The following CTNNA2 variants were observed in gnomAD, a reference collection of about 807,000 sequenced individuals.
The protein encoded by CTNNA2 is catenin alpha-2.
A neutral mutation model predicts 101.0 loss-of-function variants in CTNNA2; 42 were observed. The observed-to-expected ratio is 0.42, with a 90% CI of 0.32 to 0.54. The LOEUF (loss-of-function observed/expected upper bound fraction) is 0.54, where lower values mean the gene tolerates loss of function less well. Ranked by LOEUF, CTNNA2 falls within the 20% of genes least tolerant of loss-of-function variation. CTNNA2 has a pLI of 0.14. For missense variants in CTNNA2, 871 were observed against 1,223.1 expected, an observed-to-expected ratio of 0.71 and a Z score of 4.29; for synonymous variants, 450 against 456.4, an observed-to-expected ratio of 0.99 and a Z score of 0.18.
At chr2:79,888,957 G>T (rs1482884707) in intron 6 of CTNNA2, among the ~76,000 whole-genome samples, 2 of 152,050 alleles carry the variant, frequency 1.3e-5, no homozygotes, top group Non-Finnish European at 2.9e-5. Flanking sequence ...CTCTTTATTA[G>T]AGCAACATGT....
intron 2 of CTNNA2, among the ~76,000 whole-genome samples, chr2:79,219,072 T>C (rs1052433578): frequency 2.6e-5 from 4 of 152,212 alleles, no homozygotes; most frequent in Admixed American, 2.0e-4. Context: ...CATATTTGTA[T>C]TTATACATAT....
At chr2:79,762,748 C>T (rs1483944277) in intron 3 of CTNNA2, among the ~76,000 whole-genome samples, 1 of 152,080 alleles carries the variant, frequency 6.6e-6, no homozygotes, top group African/African-American at 2.4e-5. Flanking sequence ...CTTTCATGTT[C>T]ATCTTTCAAG....
chr2:80,467,416 A>T (rs1388487738), intron 9 of CTNNA2, among the ~76,000 whole-genome samples: 1 of 152,208 alleles, frequency 6.6e-6, no homozygotes, highest in Admixed American at 6.5e-5. Flanking sequence ...CTAGGGGAAG[A>T]TACGTGGTTA....
At chr2:79,459,777 G>A (rs1264571445) in intron 4 of CTNNA2, among the ~76,000 whole-genome samples, 2 of 152,002 alleles carry the variant, frequency 1.3e-5, no homozygotes, top group East Asian at 1.9e-4. Flanking sequence ...GTCACTTCTG[G>A]CCCTTGATTT....
chr2:80,529,108 G>A (rs1398634793), intron 9 of CTNNA2, among the ~76,000 whole-genome samples: 1 of 152,150 alleles, frequency 6.6e-6, no homozygotes, highest in Non-Finnish European at 1.5e-5. Flanking sequence ...GTCCTGGTGG[G>A]CAGGCAGACA....
intron 7 of CTNNA2, among the ~76,000 whole-genome samples, chr2:80,145,224 T>C (rs1703260378): frequency 2.0e-5 from 3 of 152,196 alleles, no homozygotes; most frequent in African/African-American, 4.8e-5. Flanking sequence ...AGGGTATTTA[T>C]AGACCCACAA....
At chr2:80,096,371 GT>G (rs1376586631) in intron 7 of CTNNA2, among the ~76,000 whole-genome samples, 1 of 152,138 alleles carries the variant, frequency 6.6e-6, no homozygotes, top group African/African-American at 2.4e-5. Context: ...CTGAGAGAGA[GT>G]TTTTTATAAT....
chr2:79,353,190 G>C (rs1055502926), intron 3 of CTNNA2, among the ~76,000 whole-genome samples: 2 of 152,184 alleles, frequency 1.3e-5, no homozygotes, highest in Admixed American at 1.3e-4. Context: ...TTGGTATGTT[G>C]TGTCTGATTT....
chr2:80,637,165 C>T (rs1051129205), intron 18 of CTNNA2, among the ~76,000 whole-genome samples: 1 of 152,144 alleles, frequency 6.6e-6, no homozygotes, highest in Non-Finnish European at 1.5e-5. Context: ...CATGTTTGGA[C>T]TCACCTGGTG....
chr2:80,179,824 G>A lies in CTNNA2; in HGVS notation c.1057-213387G>A, dbSNP rs116228647. Among the ~76,000 whole-genome samples the A allele has an allele frequency of 5.0e-3, 764 of 152,158 alleles. 7 individuals are homozygous for A. Among genetic ancestry groups the A allele is most frequent in the African/African-American group, 0.014 (575 of 41,500 alleles). On this transcript the variant is annotated intron_variant, in intron 7 of 18. Transcript: ENST00000402739. ...TTTGGCCTTTCCCTCCATACTAGCCGTCATCTTACCAGTCAGGTAGCCAAT... is the reference window on the plus strand; with the variant it reads ...TTTGGCCTTTCCCTCCATACTAGCCATCATCTTACCAGTCAGGTAGCCAAT...
chr2:79,931,238 A>T (rs1278349967), intron 7 of CTNNA2, among the ~76,000 whole-genome samples: 1 of 152,220 alleles, frequency 6.6e-6, no homozygotes, highest in Non-Finnish European at 1.5e-5. Flanking sequence ...TTGTAGTTTT[A>T]TATCATTTAA....
chr2:80,011,133 A>T (rs115450026), intron 7 of CTNNA2, among the ~76,000 whole-genome samples: 182 of 152,322 alleles, frequency 1.2e-3, no homozygotes, highest in African/African-American at 4.3e-3. Flanking sequence ...AAGAGCAAAT[A>T]GTCCATGCTT....
At chr2:79,909,849 C>T (rs1470110783) in intron 7 of CTNNA2, 52 bp downstream of exon 7, 1 of 1,508,394 alleles carries the variant, frequency 6.6e-7, no homozygotes, top group Middle Eastern at 1.8e-4. Context: ...GTTCTGCAAT[C>T]GTGTTGCTCT....
upstream of CTNNA2, chr2:79,512,906 G>A (rs1043686861): frequency 1.3e-5 from 2 of 148,400 alleles, no homozygotes; most frequent in African/African-American, 4.9e-5. Flanking sequence ...GCGAGCAAGC[G>A]GCCGCGCATG....
At chr2:79,834,045 C>T (rs532204086) in intron 3 of CTNNA2, among the ~76,000 whole-genome samples, 2 of 152,206 alleles carry the variant, frequency 1.3e-5, no homozygotes, top group East Asian at 3.9e-4. Flanking sequence ...GCTTGAAACA[C>T]ACAATTGCAC....
At chr2:79,819,487 A>G (rs117415165) in intron 3 of CTNNA2, among the ~76,000 whole-genome samples, 1 of 152,350 alleles carries the variant, frequency 6.6e-6, no homozygotes, top group East Asian at 1.9e-4. Flanking sequence ...GCACTTGCAG[A>G]ATGAATGAAT....
In CTNNA2 at chr2:80,580,802, G is replaced by A. The variant is rs541163338; in HGVS notation, c.1894-904G>A. ...GGCCAATGCGGGCAGATCACTTCAG[G>A]CCAGGAGTTCCAGACCAGCCTGGCC... is the stretch of plus-strand genomic sequence containing the variant. On this transcript the variant is annotated intron_variant, in intron 13 of 18. Coordinates refer to ENST00000402739, the MANE Select transcript of CTNNA2 (RefSeq NM_001282597.3). 1.6e-4 allele frequency among the ~76,000 whole-genome samples: 24 copies of A among 152,188 alleles called. No homozygotes were observed. The East Asian group carries it at 4.4e-3, about 28-fold the overall frequency.
intron 3 of CTNNA2, among the ~76,000 whole-genome samples, chr2:79,769,803 C>T (rs1399290417): frequency 1.3e-5 from 2 of 152,112 alleles, no homozygotes; most frequent in South Asian, 2.1e-4. Flanking sequence ...ATTATTATTA[C>T]GTTTGTTATT....
chr2:79,390,208 C>T (rs1678157350), intron 4 of CTNNA2, among the ~76,000 whole-genome samples: 1 of 151,406 alleles, frequency 6.6e-6, no homozygotes, highest in East Asian at 1.9e-4. Context: ...TTGCATTTCT[C>T]TTCCCATGTT....
Sources: allele counts gnomAD v4.1 joint callset (sites outside exome capture counted in the v4.1 genomes callset), GRCh38; gene constraint gnomAD v4.1.1; transcripts MANE v1.5; gene names NCBI Gene and HGNC (gene_info 2026-07-23, HGNC 2026-07-21).